Variants in RAB28 observed in about 807,000 individuals in gnomAD.
The protein encoded by RAB28 is RAB28, member RAS oncogene family.
In RAB28, 24 loss-of-function variants were observed where a neutral mutation model predicts 31.7. The ratio of observed to expected loss-of-function variants is 0.76; its 90% CI spans 0.55 to 1.06. RAB28 has a LOEUF of 1.06. Ranked by LOEUF, RAB28 falls within the 50% of genes least tolerant of loss-of-function variation. The pLI is 0.00. For missense variants in RAB28, 254 were observed against 258.5 expected, an observed-to-expected ratio of 0.98 and a Z score of 0.12; for synonymous variants, 100 against 90.4, an observed-to-expected ratio of 1.11 and a Z score of -0.60.
chr4:13,473,742 T>C (rs2108971775), intron 3 of RAB28: 1 of 291,056 alleles, frequency 3.4e-6, no homozygotes, highest in Non-Finnish European at 6.8e-6. Context: ...TCATTTTTCA[T>C]TTTCATTTTT....
intron 2 of RAB28, 43 bp downstream of exon 2, chr4:13,479,387 A>C: frequency 7.0e-7 from 1 of 1,431,488 alleles, no homozygotes; most frequent in Non-Finnish European, 9.7e-7. Context: ...TATTGTTAAG[A>C]TTTTTTTATA....
chr4:13,471,587 A>C (rs1473952761), intron 3 of RAB28, among the ~76,000 whole-genome samples: 1 of 151,858 alleles, frequency 6.6e-6, no homozygotes, highest in African/African-American at 2.4e-5. Flanking sequence ...CTCCAGCCCC[A>C]AACTCCTGGA....
chr4:13,442,475 C>G lies in RAB28; in HGVS notation c.391+18224G>C, dbSNP rs1327001157. 4.8e-5 allele frequency among the ~76,000 whole-genome samples: 7 copies of G among 144,742 alleles called. No homozygotes were observed. The East Asian group carries it at 9.9e-4, about 21-fold the overall frequency. 95.0% of individuals were successfully genotyped at this position (144,742 alleles called of 152,430 possible). A position where few individuals can be genotyped will look rare whatever the true frequency, so the allele number is the denominator to read the frequency against. On this transcript the variant is annotated intron_variant, in intron 4 of 6. Coordinates refer to ENST00000330852, the MANE Select transcript of RAB28 (RefSeq NM_001017979.3). ...ATCACCTCCATCAGCAGAATTTAAG[C>G]AAATGTCCAAAAAAAAAAAACTTCT...
chr4:13,416,627 A>G (rs891744774), intron 4 of RAB28, among the ~76,000 whole-genome samples: 3 of 152,232 alleles, frequency 2.0e-5, no homozygotes, highest in Non-Finnish European at 4.4e-5. Context: ...CATGGAGTAA[A>G]TAATTAAGAA....
intron 4 of RAB28, chr4:13,459,666 C>G: frequency 1.3e-6 from 1 of 742,624 alleles, no homozygotes; most frequent in South Asian, 6.1e-5. Context: ...ACTCTTCTCC[C>G]TAGTACACTC....
chr4:13,479,621 T>C lies in RAB28; in HGVS notation c.76-95A>G, dbSNP rs1577253913. On this transcript the variant is annotated intron_variant, in intron 1 of 6. Transcript: ENST00000330852. ...TCTTAAGCAATCTTAACATGTATAT[T>C]GCAATTAATCCAACAAGCAAATTTA... 4 of 811,824 alleles carry C rather than the reference T, an allele frequency of 4.9e-6. No individual in the cohort carries two copies. In the East Asian group the frequency reaches 1.1e-4, roughly 21 times the overall value. 50.3% of individuals were successfully genotyped at this position (811,824 alleles called of 1,614,324 possible).
rs114925017 is a variant in RAB28 at position 13,399,333 on chromosome 4, A to G, written c.392-17739T>C. ...CCTTTTTATAAGTCTACCACAATCT[A>G]TAAATATTTTCTCCAATTGATGAAC... On this transcript the variant is annotated intron_variant, in intron 4 of 6. Transcript: ENST00000330852. Among the ~76,000 whole-genome samples the G allele has an allele frequency of 3.0e-3, 461 of 152,308 alleles. 5 individuals are homozygous for G. The highest frequency in any genetic ancestry group is 0.011 in the African/African-American group (445 of 41,564).
chr4:13,478,732 A>G (rs1192587261), intron 2 of RAB28, among the ~76,000 whole-genome samples: 2 of 151,766 alleles, frequency 1.3e-5, no homozygotes, highest in Non-Finnish European at 3.0e-5. Flanking sequence ...TTGAAAGGAC[A>G]GCATTTTAAA....
At chr4:13,387,106 G>GGGA (rs1729404327) in intron 4 of RAB28, among the ~76,000 whole-genome samples, 1 of 152,034 alleles carries the variant, frequency 6.6e-6, no homozygotes, top group African/African-American at 2.4e-5. Flanking sequence ...GATGGAGGGT[G>GGGA]GGAGGGGACA....
chr4:13,468,786 TA>T (rs1553814982), intron 3 of RAB28, among the ~76,000 whole-genome samples: 42 of 142,120 alleles, frequency 3.0e-4, no homozygotes, highest in African/African-American at 8.2e-4. Flanking sequence ...GTTTTTTTTT[TA>T]AAAAAAAAAG....
chr4:13,410,124 A>G (rs1577185060), intron 4 of RAB28, among the ~76,000 whole-genome samples: 1 of 151,300 alleles, frequency 6.6e-6, no homozygotes, highest in Non-Finnish European at 1.5e-5. Context: ...GTTCCCTGAG[A>G]CCTCCCCAGC....
chr4:13,435,481 A>G (rs1223234318), intron 4 of RAB28, among the ~76,000 whole-genome samples: 1 of 152,094 alleles, frequency 6.6e-6, no homozygotes, highest in Non-Finnish European at 1.5e-5. Flanking sequence ...ATAGACTGCC[A>G]GATAAATTAA....
chr4:13,412,092 C>T (rs1032651731), intron 4 of RAB28, among the ~76,000 whole-genome samples: 1 of 151,318 alleles, frequency 6.6e-6, no homozygotes, highest in Non-Finnish European at 1.5e-5. Context: ...CCCTACACCA[C>T]AATTTGTTGA....
At chr4:13,445,658 C>T (rs934214181) in intron 4 of RAB28, among the ~76,000 whole-genome samples, 1 of 152,218 alleles carries the variant, frequency 6.6e-6, no homozygotes, top group African/African-American at 2.4e-5. Flanking sequence ...ACTCAAGACC[C>T]TGTTCGCCTG....
chr4:13,429,978 G>A (rs1013430098), intron 4 of RAB28, among the ~76,000 whole-genome samples: 1 of 152,082 alleles, frequency 6.6e-6, no homozygotes, highest in African/African-American at 2.4e-5. Flanking sequence ...ACTGGTATAA[G>A]GACAGACATA....
At chr4:13,385,175 C>T (rs1006184776) in intron 4 of RAB28, among the ~76,000 whole-genome samples, 1 of 152,102 alleles carries the variant, frequency 6.6e-6, no homozygotes, top group East Asian at 1.9e-4. Context: ...AAGGAATGAA[C>T]AAAATCTCTG....
intron 6 of RAB28, chr4:13,371,323 T>C (rs1257924163): frequency 2.0e-6 from 2 of 985,130 alleles, no homozygotes; most frequent in Non-Finnish European, 2.4e-6. Context: ...AAATATTGTA[T>C]ACCATTATCT....
chr4:13,478,757 G>A (rs944038581), intron 2 of RAB28, among the ~76,000 whole-genome samples: 1 of 151,600 alleles, frequency 6.6e-6, no homozygotes, highest in African/African-American at 2.4e-5. Flanking sequence ...CAATTGTTCA[G>A]AAACTAACTT....
At chr4:13,371,857 A>T in intron 6 of RAB28, 1 of 1,545,194 alleles carries the variant, frequency 6.5e-7, no homozygotes, top group Non-Finnish European at 8.8e-7. Context: ...AATGAAAATA[A>T]TGAAATGGCC....
Sources: allele counts gnomAD v4.1 joint callset (sites outside exome capture counted in the v4.1 genomes callset), GRCh38; gene constraint gnomAD v4.1.1; transcripts MANE v1.5; gene names NCBI Gene and HGNC (gene_info 2026-07-23, HGNC 2026-07-21).